The following ILDR2 variants were observed in gnomAD, a reference collection of about 807,000 sequenced individuals.
ILDR2 encodes the protein immunoglobulin-like domain-containing receptor 2.
Under a neutral mutation model 66.8 loss-of-function variants are expected in ILDR2, and 25 were observed. The ratio of observed to expected loss-of-function variants is 0.37; its 90% CI spans 0.27 to 0.52. The LOEUF (loss-of-function observed/expected upper bound fraction) is 0.52. Ranked by LOEUF, ILDR2 falls within the 20% of genes least tolerant of loss-of-function variation. The pLI is 0.88. For missense variants in ILDR2, 827 were observed against 876.8 expected (o/e 0.94, Z 0.72); for synonymous variants, 367 against 357.2 (o/e 1.03, Z -0.31).
intron 2 of ILDR2, among the ~76,000 whole-genome samples, chr1:166,957,361 G>A (rs1455001236): frequency 6.6e-6 from 1 of 152,154 alleles, no homozygotes; most frequent in East Asian, 1.9e-4. Flanking sequence ...TTATTTGTAT[G>A]CATACGTCCC....
rs1299440637 is a variant in ILDR2, at chr1:166,909,758, T to TATATAA, written c.*9596_*9597insTTATAT. The TATATAA allele has an allele frequency of 2.2e-4, 16 of 74,334 alleles. No individual in the cohort carries two copies. The highest frequency in any genetic ancestry group is 1.1e-3 in the African/African-American group (16 of 14,714). The allele number at this position is 74,334 out of a possible 1,614,324, so 4.6% of individuals were successfully genotyped here. On this transcript the variant is annotated 3_prime_UTR_variant, in exon 10 of 10. Transcript: ENST00000271417. ...ATACATATATATATATATATATATA[T>TATATAA]AAATATATATAAATATATATATTTA...
At chr1:166,955,388 A>G (rs545658605) in intron 3 of ILDR2, among the ~76,000 whole-genome samples, 2 of 152,268 alleles carry the variant, frequency 1.3e-5, no homozygotes, top group East Asian at 3.9e-4. Context: ...TGGGCAGATC[A>G]CTTGAGGACA....
Position 166,924,257 on chromosome 1 carries a change from A to C in ILDR2, c.995-1448T>G, listed in dbSNP as rs1660140430. ...GATACTATTGATTAATAAAATCTAG[A>C]ACTTTTCCTTTCTCATGATCCCCAT... On this transcript the variant is annotated intron_variant, in intron 7 of 9. Coordinates refer to ENST00000271417, the MANE Select transcript of ILDR2 (RefSeq NM_199351.3). Among the ~76,000 whole-genome samples, 3 of 152,208 alleles carry C rather than the reference A, an allele frequency of 2.0e-5. No individual in the cohort carries two copies. In the South Asian group the frequency reaches 6.2e-4, roughly 32 times the overall value.
downstream of ILDR2, among the ~76,000 whole-genome samples, chr1:166,903,726 T>C (rs1659298041): frequency 6.6e-6 from 1 of 152,200 alleles, no homozygotes; most frequent in Non-Finnish European, 1.5e-5. Flanking sequence ...ATGTCCTTCC[T>C]TGTTCACTAA....
intron 1 of ILDR2, among the ~76,000 whole-genome samples, chr1:166,974,733 C>T (rs1282305180): frequency 6.6e-6 from 1 of 152,094 alleles, no homozygotes; most frequent in Non-Finnish European, 1.5e-5. Flanking sequence ...GAGAGAATGC[C>T]CTGGGTCCCC....
At chr1:166,938,158 G>A (rs998394568) in intron 4 of ILDR2, among the ~76,000 whole-genome samples, 10 of 152,220 alleles carry the variant, frequency 6.6e-5, no homozygotes, top group African/African-American at 1.9e-4. Flanking sequence ...GAGGACAATC[G>A]ATAGCAGAAG....
chr1:166,919,130 C>T lies in ILDR2; in HGVS notation c.*225G>A. On this transcript the variant is annotated 3_prime_UTR_variant, in exon 10 of 10. Transcript: ENST00000271417. ...AACTCTGTATGTAGGAATGTTCTCACACATTCTTGCTTTCTTGGTAAGCTT... is the reference window on the plus strand; with the variant it reads ...AACTCTGTATGTAGGAATGTTCTCATACATTCTTGCTTTCTTGGTAAGCTT... 1.8e-6 allele frequency: 1 copy of T among 542,842 alleles called. No homozygotes were observed. Among genetic ancestry groups the T allele is most frequent in the Non-Finnish European group, 3.3e-6 (1 of 302,104 alleles). 33.6% of individuals were successfully genotyped at this position (542,842 alleles called of 1,614,324 possible). A position where few individuals can be genotyped will look rare whatever the true frequency, so the allele number is the denominator to read the frequency against.
intron 2 of ILDR2, among the ~76,000 whole-genome samples, chr1:166,902,983 T>C (rs1659286669): frequency 6.6e-6 from 1 of 152,216 alleles, no homozygotes; most frequent in Non-Finnish European, 1.5e-5. Flanking sequence ...ATTCATAATC[T>C]ATCCTGTATA....
chr1:166,962,689 G>C (rs969233273), intron 1 of ILDR2, among the ~76,000 whole-genome samples: 5 of 152,074 alleles, frequency 3.3e-5, no homozygotes, highest in African/African-American at 1.2e-4. Context: ...AGTATCCTGA[G>C]CTGGGGTCCT....
rs1304586016 is a variant in ILDR2 at position 166,909,889 on chromosome 1, C to T, written c.*9466G>A. On this transcript the variant is annotated 3_prime_UTR_variant, in exon 10 of 10. Coordinates refer to ENST00000271417, the MANE Select transcript of ILDR2 (RefSeq NM_199351.3). ...AAAATCCACTGTGGCTATGCTTCTA[C>T]ACAAAATTTGTAACAAAATGTGAGA... 4.0e-5 allele frequency: 6 copies of T among 149,680 alleles called. No homozygotes were observed. The highest frequency in any genetic ancestry group is 4.2e-4 in the South Asian group (2 of 4,710). 9.3% of individuals were successfully genotyped at this position (149,680 alleles called of 1,614,324 possible). A position where few individuals can be genotyped will look rare whatever the true frequency, so the allele number is the denominator to read the frequency against.
intron 6 of ILDR2, among the ~76,000 whole-genome samples, chr1:166,928,090 A>G (rs948636254): frequency 7.9e-5 from 12 of 152,196 alleles, no homozygotes; most frequent in African/African-American, 2.9e-4. Flanking sequence ...AACGAAAGAG[A>G]GAAGGGAATG....
intron 3 of ILDR2, among the ~76,000 whole-genome samples, chr1:166,940,263 C>T (rs560059954): frequency 2.6e-4 from 40 of 152,278 alleles, no homozygotes; most frequent in African/African-American, 8.9e-4. Flanking sequence ...AGAACAGGTG[C>T]CCCTCAAGGA....
Position 166,957,838 on chromosome 1 carries a change from C to A in ILDR2, c.310G>T (p.Ala104Ser), listed in dbSNP as rs751523433. ...LDSRRTVRVV[A>S]SKQGSTVTLG... ...GTGACAGTCGAGCCCTGTTTTGAAG[C>A]TACTACTCGAACAGTCCTCCTGCTG... The change falls in exon 2 of 10, where the codon GCT becomes TCT. Residue 104 changes from alanine to serine, a missense_variant. By Grantham distance (99) the Ala-to-Ser change is moderately conservative. Coordinates refer to ENST00000271417, the MANE Select transcript of ILDR2 (RefSeq NM_199351.3). 1.9e-6 allele frequency: 3 copies of A among 1,614,194 alleles called. No individual in the cohort carries two copies. The highest frequency in any genetic ancestry group is 1.7e-6 in the Non-Finnish European group (2 of 1,180,024).
chr1:166,963,034 C>G (rs1662714226), intron 1 of ILDR2, among the ~76,000 whole-genome samples: 1 of 152,160 alleles, frequency 6.6e-6, no homozygotes, highest in African/African-American at 2.4e-5. Context: ...CCCACCCTAG[C>G]TCTTTTTTTA....
intron 1 of ILDR2, among the ~76,000 whole-genome samples, chr1:166,970,608 C>T (rs193110247): frequency 9.8e-5 from 15 of 152,298 alleles, no homozygotes; most frequent in Middle Eastern, 3.4e-3. Flanking sequence ...TTTCTACTTA[C>T]GGTGTCCTGG....
At chr1:166,900,022 C>G (rs1437819269) in intron 2 of ILDR2, among the ~76,000 whole-genome samples, 5 of 152,194 alleles carry the variant, frequency 3.3e-5, no homozygotes, top group Non-Finnish European at 7.3e-5. Context: ...TGTGCTGAAT[C>G]CTAATTTGTA....
chr1:166,936,570 C>T lies in ILDR2; in HGVS notation c.703+21G>A. The stretch of plus-strand genomic sequence containing the variant: ...ACATTTCTCTCGATCGCTCTGTCTC[C>T]CCAGCGGTCACTGTACTCACAGGCT... On this transcript the variant is annotated intron_variant, in intron 5 of 9. Coordinates refer to ENST00000271417, the MANE Select transcript of ILDR2 (RefSeq NM_199351.3). This position sits in a 1 kb window ranked among gnomAD's most constrained non-coding sequence, Gnocchi z 5.0. 1.2e-6 allele frequency: 2 copies of T among 1,614,036 alleles called. No homozygotes were observed. The highest frequency in any genetic ancestry group is 8.5e-7 in the Non-Finnish European group (1 of 1,179,998).
rs929893260 is a variant in ILDR2 at position 166,911,514 on chromosome 1, A to G, written c.*7841T>C. The G allele has an allele frequency of 4.6e-5, 7 of 152,302 alleles. No individual in the cohort carries two copies. Among genetic ancestry groups the G allele is most frequent in the South Asian group, 2.1e-4 (1 of 4,830 alleles). 9.4% of individuals were successfully genotyped at this position (152,302 alleles called of 1,614,324 possible). A position where few individuals can be genotyped will look rare whatever the true frequency, so the allele number is the denominator to read the frequency against. On this transcript the variant is annotated 3_prime_UTR_variant, in exon 10 of 10. Transcript: ENST00000271417. The stretch of plus-strand genomic sequence containing the variant: ...TAAAATAAAAAACTATAAAACCCAT[A>G]AAGAAACAAAAAACTGTGAGTGAAA...
intron 6 of ILDR2, among the ~76,000 whole-genome samples, chr1:166,927,592 CT>C (rs1445177216): frequency 1.3e-5 from 2 of 152,218 alleles, no homozygotes; most frequent in South Asian, 2.1e-4. Flanking sequence ...CCCACCTTCA[CT>C]TTGTGAGAGC....
Sources: allele counts gnomAD v4.1 joint callset (sites outside exome capture counted in the v4.1 genomes callset), GRCh38; gene constraint gnomAD v4.1.1; non-coding constraint Gnocchi (gnomAD v3.1); transcripts MANE v1.5; gene names NCBI Gene and HGNC (gene_info 2026-07-23, HGNC 2026-07-21).